Variants in L3MBTL3 observed in about 807,000 individuals in gnomAD.
L3MBTL3 encodes lethal(3)malignant brain tumor-like protein 3.
L3MBTL3 carries 27 observed loss-of-function variants against 102.3 expected under a neutral mutation model. That is an observed-to-expected ratio of 0.26 (90% CI 0.19 to 0.36). The LOEUF (loss-of-function observed/expected upper bound fraction) is 0.36. L3MBTL3 is among the 10% of genes least tolerant of loss of function. The pLI is 1.00. For synonymous variants in L3MBTL3, 340 were observed against 320.9 expected, an observed-to-expected ratio of 1.06 and a Z score of -0.64; for missense variants, 798 against 955.3, an observed-to-expected ratio of 0.84 and a Z score of 2.17.
chr6:130,031,004 A>G (rs934619430), intron 2 of L3MBTL3, among the ~76,000 whole-genome samples: 22 of 152,252 alleles, frequency 1.4e-4, no homozygotes, highest in African/African-American at 5.3e-4. Context: ...TTGTATGATT[A>G]CCCCATGTGA....
intron 19 of L3MBTL3, among the ~76,000 whole-genome samples, chr6:130,108,469 C>A (rs1785140594): frequency 6.6e-6 from 1 of 151,824 alleles, no homozygotes; most frequent in Admixed American, 6.6e-5. Context: ...CTCCTGACTT[C>A]CTGATCTGTT....
At chr6:130,111,421 C>A (rs538856355) in intron 19 of L3MBTL3, among the ~76,000 whole-genome samples, 1 of 152,262 alleles carries the variant, frequency 6.6e-6, no homozygotes, top group East Asian at 1.9e-4. Context: ...GCAGCCAGAG[C>A]CCAGGGAAGT....
At chr6:130,124,980 A>T (rs537741449) in intron 20 of L3MBTL3, among the ~76,000 whole-genome samples, 3 of 152,114 alleles carry the variant, frequency 2.0e-5, no homozygotes, top group Non-Finnish European at 2.9e-5. Flanking sequence ...CAAAAAAAAA[A>T]AAATAAAATA....
intron 22 of L3MBTL3, among the ~76,000 whole-genome samples, chr6:130,135,339 C>T (rs575044674): frequency 7.9e-5 from 12 of 152,278 alleles, no homozygotes; most frequent in Admixed American, 3.3e-4. Context: ...GCTGAGATTA[C>T]AGACGTGAGC....
At chr6:130,054,038 T>G (rs893692084) in intron 7 of L3MBTL3, among the ~76,000 whole-genome samples, 1 of 152,166 alleles carries the variant, frequency 6.6e-6, no homozygotes, top group Non-Finnish European at 1.5e-5. Flanking sequence ...CTGACTACTT[T>G]AGGTTGGGTT....
chr6:130,052,835 A>G lies in L3MBTL3; in HGVS notation c.450-24A>G, dbSNP rs370656791. On this transcript the variant is annotated intron_variant, in intron 6 of 22. Coordinates refer to ENST00000361794, the MANE Select transcript of L3MBTL3 (RefSeq NM_032438.4). ...TTGATAGGTATTGTCTCTTGTCACT[A>G]TTTTGGGTTTATAAACACAACAGAG... is the stretch of plus-strand genomic sequence containing the variant. 6 of 1,608,278 alleles carry G rather than the reference A, an allele frequency of 3.7e-6. No individual in the cohort carries two copies. The African/African-American group carries it at 5.4e-5, about 14-fold the overall frequency.
chr6:130,071,734 A>G lies in L3MBTL3; in HGVS notation c.1244+607A>G, dbSNP rs1433835620. On this transcript the variant is annotated intron_variant, in intron 13 of 22. Coordinates refer to ENST00000361794, the MANE Select transcript of L3MBTL3 (RefSeq NM_032438.4). ...TGAGAATATTTTAGAGAAGTAACAG[A>G]TATCTTTATAAAATACAACTTGTGT... Among the ~76,000 whole-genome samples, 4 of 152,126 alleles carry G rather than the reference A, an allele frequency of 2.6e-5. No individual in the cohort carries two copies. In the East Asian group the frequency reaches 5.8e-4, roughly 22 times the overall value.
At chr6:130,099,306 G>C (rs1006147619) in intron 18 of L3MBTL3, among the ~76,000 whole-genome samples, 1 of 152,244 alleles carries the variant, frequency 6.6e-6, no homozygotes, top group East Asian at 1.9e-4. Flanking sequence ...ACATGTGCAC[G>C]TGTCTAACCA....
chr6:130,124,537 T>A (rs975312122), intron 20 of L3MBTL3, among the ~76,000 whole-genome samples: 3 of 152,224 alleles, frequency 2.0e-5, no homozygotes, highest in Admixed American at 6.5e-5. Flanking sequence ...CCTTTTTGAT[T>A]TTTTGATTCA....
intron 18 of L3MBTL3, among the ~76,000 whole-genome samples, chr6:130,099,234 C>T (rs1784542494): frequency 6.6e-6 from 1 of 152,078 alleles, no homozygotes; most frequent in African/African-American, 2.4e-5. Context: ...ACAGTATCAT[C>T]CTATGGGACT....
chr6:130,041,857 T>C (rs1409306268), intron 2 of L3MBTL3, among the ~76,000 whole-genome samples: 1 of 152,196 alleles, frequency 6.6e-6, no homozygotes, highest in Non-Finnish European at 1.5e-5. Flanking sequence ...TTGTGAGAAA[T>C]GGTATTTAGA....
chr6:130,072,787 A>G (rs1054246824), intron 13 of L3MBTL3, among the ~76,000 whole-genome samples: 2 of 152,168 alleles, frequency 1.3e-5, no homozygotes, highest in African/African-American at 4.8e-5. Context: ...AATAATAACT[A>G]TGATATTACT....
intron 19 of L3MBTL3, 67 bp from the exon 20 acceptor site, chr6:130,120,811 GA>G: frequency 8.9e-7 from 1 of 1,125,366 alleles, no homozygotes; most frequent in East Asian, 2.4e-5. Context: ...CACTTGTTGA[GA>G]TGTAGTTCTG....
At chr6:130,106,335 A>G (rs184243036) in intron 19 of L3MBTL3, among the ~76,000 whole-genome samples, 1 of 152,194 alleles carries the variant, frequency 6.6e-6, no homozygotes, top group South Asian at 2.1e-4. Context: ...TTCTGCAAAA[A>G]TGAGTGGGTT....
At chr6:130,066,552 T>G (rs1782274005) in intron 11 of L3MBTL3, 64 bp downstream of exon 11, 1 of 1,397,564 alleles carries the variant, frequency 7.2e-7, no homozygotes, top group Non-Finnish European at 9.9e-7. Context: ...CATGCTACAT[T>G]AGAATTGTTA....
intron 10 of L3MBTL3, among the ~76,000 whole-genome samples, chr6:130,062,893 A>G (rs1424771449): frequency 6.6e-6 from 1 of 151,148 alleles, no homozygotes. Flanking sequence ...AAGTATGGAC[A>G]TATAAATTAC....
At chr6:130,033,141 A>C (rs1364112236) in intron 2 of L3MBTL3, among the ~76,000 whole-genome samples, 1 of 152,240 alleles carries the variant, frequency 6.6e-6, no homozygotes, top group East Asian at 1.9e-4. Context: ...AGAGTAGGGC[A>C]AATCTTGAGG....
At chr6:130,131,410 G>C (rs75354789) in intron 20 of L3MBTL3, among the ~76,000 whole-genome samples, 3,003 of 152,280 alleles carry the variant, frequency 0.02, 97 homozygotes, top group African/African-American at 0.068. Flanking sequence ...CAGTTGTTTT[G>C]GAAAGCTGAC....
intron 8 of L3MBTL3, among the ~76,000 whole-genome samples, chr6:130,055,896 C>A (rs144616816): frequency 6.6e-4 from 100 of 150,716 alleles, no homozygotes; most frequent in Middle Eastern, 7.0e-3. Context: ...CTTCCCTTCC[C>A]TTCTGTCCCC....
Sources: gnomAD v4.1 joint callset for allele counts (sites outside exome capture counted in the v4.1 genomes callset) on GRCh38, gnomAD v4.1.1 for gene constraint, MANE v1.5 for transcripts, NCBI Gene and HGNC (gene_info 2026-07-23, HGNC 2026-07-21) for gene names.